The following ZNF215 variants were observed in gnomAD, a reference collection of about 807,000 sequenced individuals.
ZNF215 encodes the protein BWSCR2-associated zinc finger protein 2.
A neutral mutation model predicts 27.2 loss-of-function variants in ZNF215; 24 were observed. The ratio of observed to expected loss-of-function variants is 0.88; its 90% CI spans 0.64 to 1.24. The LOEUF is 1.24. Among genes scored for constraint, ZNF215 ranks in the 50% most tolerant of loss-of-function variants. The pLI, the probability that ZNF215 is intolerant of heterozygous loss-of-function variation, is 0.00. For synonymous variants in ZNF215, 210 were observed against 204.0 expected (o/e 1.03, Z -0.25); for missense variants, 675 against 605.7 (o/e 1.11, Z -1.20).
chr11:6,980,856 A>G (rs1411350701), intron 5 of ZNF215, among the ~76,000 whole-genome samples: 2 of 148,004 alleles, frequency 1.4e-5, no homozygotes, highest in Non-Finnish European at 3.0e-5. Flanking sequence ...GAGAATATGC[A>G]GTGTTTGGTT....
At chr11:6,964,194 G>C (rs921236611) in intron 5 of ZNF215, among the ~76,000 whole-genome samples, 4 of 151,924 alleles carry the variant, frequency 2.6e-5, no homozygotes, top group Admixed American at 6.6e-5. Context: ...CTAGATGGAA[G>C]TCATTATTGG....
intron 5 of ZNF215, among the ~76,000 whole-genome samples, chr11:6,982,316 T>C (rs1334966796): frequency 6.6e-6 from 1 of 152,138 alleles, no homozygotes; most frequent in East Asian, 1.9e-4. Context: ...TGGGAGACTT[T>C]AACACCCCAC....
intron 5 of ZNF215, among the ~76,000 whole-genome samples, chr11:6,977,324 G>A (rs1225318392): frequency 6.6e-6 from 1 of 152,002 alleles, no homozygotes; most frequent in Non-Finnish European, 1.5e-5. Context: ...TGATCCCTTT[G>A]TCCAGCATAT....
At chr11:6,978,289 G>C (rs1211620610) in intron 5 of ZNF215, among the ~76,000 whole-genome samples, 2 of 152,040 alleles carry the variant, frequency 1.3e-5, no homozygotes, top group Non-Finnish European at 2.9e-5. Flanking sequence ...TACACTGATT[G>C]AATGAAGCCT....
chr11:6,956,651 T>C lies in ZNF215; in HGVS notation c.*120T>C, dbSNP rs1355314774. 7.1e-7 allele frequency: 1 copy of C among 1,407,296 alleles called. No homozygotes were observed. Among genetic ancestry groups the C allele is most frequent in the African/African-American group, 1.4e-5 (1 of 69,404 alleles). The allele number at this position is 1,407,296 out of a possible 1,614,324, so 87.2% of individuals were successfully genotyped here. Reference sequence around the variant, plus strand: ...AGAAAACATTTGTCAGATTTTTCTTTAAATGATATCACAGAATTAATGTTG... The same window carrying C: ...AGAAAACATTTGTCAGATTTTTCTTCAAATGATATCACAGAATTAATGTTG... On this transcript the variant is annotated 3_prime_UTR_variant, in exon 7 of 7. Coordinates refer to ENST00000278319, the MANE Select transcript of ZNF215 (RefSeq NM_013250.4).
Position 6,957,960 on chromosome 11 carries a change from G to T in ZNF215, c.*1429G>T. The T allele has an allele frequency of 1.0e-6, 1 of 985,388 alleles. No homozygotes were observed. The highest frequency in any genetic ancestry group is 1.2e-6 in the Non-Finnish European group (1 of 829,920). The allele number at this position is 985,388 out of a possible 1,614,324, so 61.0% of individuals were successfully genotyped here. On this transcript the variant is annotated 3_prime_UTR_variant, in exon 7 of 7. Transcript: ENST00000278319. ...GAGACATTCCCAATTAATGATGATG[G>T]TAGCTTTTTGTGAAGGTTCATACCT...
At chr11:6,941,910 T>C (rs1208014815) in intron 4 of ZNF215, among the ~76,000 whole-genome samples, 1 of 152,094 alleles carries the variant, frequency 6.6e-6, no homozygotes, top group Non-Finnish European at 1.5e-5. Context: ...ACTCAGAAAA[T>C]GTTGAGAATT....
chr11:6,952,939 A>G (rs1180151324), intron 6 of ZNF215, among the ~76,000 whole-genome samples: 2 of 151,946 alleles, frequency 1.3e-5, no homozygotes, highest in Admixed American at 6.6e-5. Context: ...GGTGGTGACA[A>G]AATCTCTCAG....
At chr11:6,980,804 C>T (rs1224648684) in intron 5 of ZNF215, among the ~76,000 whole-genome samples, 1 of 141,584 alleles carries the variant, frequency 7.1e-6, no homozygotes, top group Non-Finnish European at 1.5e-5. Flanking sequence ...GTTCCCCTTC[C>T]TGTGTCCATG....
rs756521053 is a variant in ZNF215, at chr11:6,932,295, T to G, written c.23T>G (p.Met8Arg). Reference protein sequence around the residue: MQPLSKLMAISKPRNLSL... With the variant: MQPLSKLRAISKPRNLSL... ...AAGATGCAGCCTCTGAGCAAGTTGATGGCTATCTCAAAACCTCGAAACCTG... is the reference window on the plus strand; with the variant it reads ...AAGATGCAGCCTCTGAGCAAGTTGAGGGCTATCTCAAAACCTCGAAACCTG... Residue 8 changes from methionine (M) to arginine (R), a missense_variant, in exon 3 of 7, where the codon ATG becomes AGG. Transcript: ENST00000278319. 3.1e-6 allele frequency: 5 copies of G among 1,614,056 alleles called. No individual in the cohort carries two copies. The highest frequency in any genetic ancestry group is 4.2e-6 in the Non-Finnish European group (5 of 1,179,970).
At chr11:6,978,213 A>G (rs1278164059) in intron 5 of ZNF215, among the ~76,000 whole-genome samples, 1 of 152,100 alleles carries the variant, frequency 6.6e-6, no homozygotes, top group African/African-American at 2.4e-5. Context: ...ATTCATAAAA[A>G]TAACACTCAG....
At chr11:6,949,361 ACCAACAGTATAAAAGTGTTCCTGTTTCT>A (rs1849957329) in intron 6 of ZNF215, among the ~76,000 whole-genome samples, 1 of 152,172 alleles carries the variant, frequency 6.6e-6, no homozygotes, top group African/African-American at 2.4e-5. Flanking sequence ...TTACAGTCCC[ACCAACAGTATAAAAGTGTTCCTGTTTCT>A]CCACATCCTC....
rs575884721 is a variant in ZNF215, at chr11:6,956,217, A to C, written c.1240A>C (p.Arg414=). The C allele has an allele frequency of 4.3e-6, 7 of 1,613,104 alleles. No homozygotes were observed. In the South Asian group the frequency reaches 4.4e-5, roughly 10 times the overall value. The change falls in exon 7 of 7, where the codon AGA becomes CGA. Residue 414 remains arginine, a synonymous_variant. Transcript: ENST00000278319. ...EKPYKCSECG[R]FFNRRTNLTK... Reference sequence around the variant, plus strand: ...ACCCTATAAATGCAGTGAATGTGGGAGATTCTTCAACCGACGTACAAACCT... The same window carrying C: ...ACCCTATAAATGCAGTGAATGTGGGCGATTCTTCAACCGACGTACAAACCT...
At position 6,973,675 on chromosome 11, in the gene ZNF215, G is replaced by T. The variant is rs949746827; in HGVS notation, c.806-10454G>T. Among the ~76,000 whole-genome samples, 6 of 152,198 alleles carry T rather than the reference G, an allele frequency of 3.9e-5. No individual in the cohort carries two copies. The East Asian group carries it at 5.8e-4, about 15-fold the overall frequency. The stretch of plus-strand genomic sequence containing the variant: ...ATGATGAGCATTTTTTCCTGTGTCT[G>T]TTGGCTGCATAAATGTCTTCTTTTG... On this transcript the variant is annotated intron_variant, in intron 5 of 5. Coordinates refer to the ZNF215 transcript ENST00000529903.
chr11:6,983,564 G>A (rs1398060295), intron 5 of ZNF215, among the ~76,000 whole-genome samples: 1 of 151,912 alleles, frequency 6.6e-6, no homozygotes, highest in East Asian at 1.9e-4. Context: ...CTTTTTATAA[G>A]AATATAAATT....
intron 5 of ZNF215, 121 bp downstream of exon 5, chr11:6,943,336 C>T (rs1030578442): frequency 1.4e-5 from 20 of 1,423,962 alleles, no homozygotes; most frequent in Non-Finnish European, 1.8e-5. Context: ...TGCTAATATC[C>T]TTTGGACACA....
intron 5 of ZNF215, among the ~76,000 whole-genome samples, chr11:6,980,333 A>G (rs942372531): frequency 6.6e-6 from 1 of 152,080 alleles, no homozygotes; most frequent in Non-Finnish European, 1.5e-5. Context: ...AACTATAGCA[A>G]TGTTCTGTAA....
At chr11:6,952,085 T>C (rs1323740856) in intron 6 of ZNF215, among the ~76,000 whole-genome samples, 1 of 152,274 alleles carries the variant, frequency 6.6e-6, no homozygotes, top group Non-Finnish European at 1.5e-5. Flanking sequence ...TTGATTGCAC[T>C]GTGGTCTGAG....
downstream of ZNF215, among the ~76,000 whole-genome samples, chr11:6,961,154 G>C (rs888626011): frequency 6.6e-6 from 1 of 152,096 alleles, no homozygotes; most frequent in African/African-American, 2.4e-5. Context: ...CGTAGAATTT[G>C]CTCCCACATG....
Sources: gnomAD v4.1 joint callset for allele counts (sites outside exome capture counted in the v4.1 genomes callset) on GRCh38, gnomAD v4.1.1 for gene constraint, MANE v1.5 for transcripts, NCBI Gene and HGNC (gene_info 2026-07-23, HGNC 2026-07-21) for gene names.